The following KAZN variants were observed in gnomAD, a reference collection of about 807,000 sequenced individuals.
The protein encoded by KAZN is kazrin.
KAZN carries 40 observed loss-of-function variants against 87.4 expected under a neutral mutation model. That is an observed-to-expected ratio of 0.46 (90% CI 0.36 to 0.60). The LOEUF is 0.60. KAZN is among the 20% of genes least tolerant of loss of function. The pLI is 0.00. For synonymous variants in KAZN, 466 were observed against 458.3 expected (o/e 1.02, Z -0.22); for missense variants, 898 against 1,073.9 (o/e 0.84, Z 2.29).
In KAZN at chr1:14,820,853, AGATGG is replaced by A. The variant is rs1382810584; in HGVS notation, c.227-139830_227-139826del. 6.6e-6 allele frequency among the ~76,000 whole-genome samples: 1 copy of A among 152,186 alleles called. No homozygotes were observed. The highest frequency in any genetic ancestry group is 1.5e-5 in the Non-Finnish European group (1 of 68,036). ...CTGATGCAGGGAAGGGATACGCCCA[AGATGG>A]CCAGGAGAGAAGAGCCGAGGGGCAG... On this transcript the variant is annotated intron_variant, in intron 1 of 14. Coordinates refer to ENST00000376030, the MANE Select transcript of KAZN (RefSeq NM_201628.3). The surrounding 1 kb of genome is among the most constrained non-coding windows in gnomAD (Gnocchi z 4.1).
At chr1:13,909,067 T>C (rs1487042657) in intron 1 of KAZN, among the ~76,000 whole-genome samples, 1 of 152,208 alleles carries the variant, frequency 6.6e-6, no homozygotes, top group Non-Finnish European at 1.5e-5. Context: ...AGGTGCTTTC[T>C]TATCCCTACA....
intron 1 of KAZN, among the ~76,000 whole-genome samples, chr1:14,936,384 G>A (rs1190361108): frequency 1.3e-5 from 2 of 152,176 alleles, no homozygotes; most frequent in African/African-American, 2.4e-5. Flanking sequence ...AGACAGACCT[G>A]TACCTGGGGC....
At chr1:14,988,399 C>T (rs1472379605) in intron 2 of KAZN, among the ~76,000 whole-genome samples, 1 of 152,240 alleles carries the variant, frequency 6.6e-6, no homozygotes, top group Non-Finnish European at 1.5e-5. Flanking sequence ...CTGGCTCAGC[C>T]TGAGCAGGAC....
intron 1 of KAZN, among the ~76,000 whole-genome samples, chr1:13,946,479 A>G (rs1641150824): frequency 6.6e-6 from 1 of 152,100 alleles, no homozygotes; most frequent in Non-Finnish European, 1.5e-5. Context: ...AAGTCTGCCG[A>G]CACCGTGATC....
chr1:14,130,985 A>C (rs183236275), intron 1 of KAZN, among the ~76,000 whole-genome samples: 29 of 152,338 alleles, frequency 1.9e-4, no homozygotes, highest in Non-Finnish European at 3.4e-4. Context: ...CTAAGAAAAA[A>C]GGTTTAATCG....
chr1:14,718,793 C>A (rs915998702), intron 1 of KAZN, among the ~76,000 whole-genome samples: 1 of 152,202 alleles, frequency 6.6e-6, no homozygotes, highest in Non-Finnish European at 1.5e-5. Context: ...TGAATCCGCA[C>A]CCTTTCCTTT....
At chr1:14,076,474 A>G (rs1351246790) in intron 1 of KAZN, among the ~76,000 whole-genome samples, 9 of 152,150 alleles carry the variant, frequency 5.9e-5, no homozygotes. Flanking sequence ...CACCCCTGCC[A>G]ACACCTTGAT....
At chr1:14,076,105 C>A (rs1643447628) in intron 1 of KAZN, among the ~76,000 whole-genome samples, 1 of 151,978 alleles carries the variant, frequency 6.6e-6, no homozygotes. Context: ...CATGGTGAAA[C>A]CCTGTCTCTA....
At chr1:14,732,228 A>G (rs773249028) in intron 1 of KAZN, among the ~76,000 whole-genome samples, 2 of 152,196 alleles carry the variant, frequency 1.3e-5, no homozygotes, top group Non-Finnish European at 2.9e-5. Flanking sequence ...TACCACCAAG[A>G]CCAGTGCAGA....
intron 2 of KAZN, among the ~76,000 whole-genome samples, chr1:14,470,686 T>C (rs1014161141): frequency 2.0e-5 from 3 of 152,204 alleles, no homozygotes; most frequent in African/African-American, 7.2e-5. Context: ...AAAAGGAAGG[T>C]AGAGGTGGAT....
intron 2 of KAZN, among the ~76,000 whole-genome samples, chr1:14,265,296 C>A (rs1310206311): frequency 6.6e-6 from 1 of 152,144 alleles, no homozygotes; most frequent in Non-Finnish European, 1.5e-5. Flanking sequence ...TACTTTGGAG[C>A]TCTGGGCATT....
intron 4 of KAZN, among the ~76,000 whole-genome samples, chr1:15,047,218 T>G (rs532526919): frequency 6.8e-4 from 103 of 152,332 alleles, no homozygotes; most frequent in Middle Eastern, 3.4e-3. Context: ...CCCAGTCTTG[T>G]TGGGGTGTCC....
intron 13 of KAZN, among the ~76,000 whole-genome samples, chr1:15,111,337 C>T (rs1239723947): frequency 2.6e-5 from 4 of 151,774 alleles, no homozygotes; most frequent in South Asian, 2.1e-4. Flanking sequence ...GGTACGATCT[C>T]GGCTCACTGC....
chr1:14,126,636 T>TA (rs70997115), intron 1 of KAZN, among the ~76,000 whole-genome samples: 84,615 of 150,590 alleles, frequency 0.56, 24,962 homozygotes, highest in East Asian at 0.75. Context: ...ATGATAATAA[T>TA]AAAAAAAAAT....
chr1:13,960,349 C>T (rs527948019), intron 1 of KAZN, among the ~76,000 whole-genome samples: 1 of 152,132 alleles, frequency 6.6e-6, no homozygotes, highest in Non-Finnish European at 1.5e-5. Flanking sequence ...GATTCTAACC[C>T]GGACAGCCCA....
At chr1:14,439,371 G>A (rs1666573502) in intron 2 of KAZN, among the ~76,000 whole-genome samples, 1 of 152,098 alleles carries the variant, frequency 6.6e-6, no homozygotes, top group Non-Finnish European at 1.5e-5. Context: ...ATTAGTGATT[G>A]TTGCTTTGAA....
At chr1:15,010,386 C>CTTT (rs34697316) in intron 2 of KAZN, among the ~76,000 whole-genome samples, 13 of 78,190 alleles carry the variant, frequency 1.7e-4, no homozygotes, top group Non-Finnish European at 1.7e-4. Flanking sequence ...GGTTGTCTTG[C>CTTT]TTTTTTTTTT....
intron 2 of KAZN, among the ~76,000 whole-genome samples, chr1:14,398,875 C>CA (rs57492360): frequency 0.051 from 7,811 of 152,180 alleles, 699 homozygotes; most frequent in African/African-American, 0.18. Flanking sequence ...TCCAGGCACT[C>CA]AGTGTTCTCA....
rs190465503 is a variant in KAZN at position 14,257,834 on chromosome 1, C to T, written c.249+77242C>T. On this transcript the variant is annotated intron_variant, in intron 2 of 16. Coordinates refer to the KAZN transcript ENST00000636203. ...GGGAGGGATAGCATTGGGAGATATA[C>T]CTAATGCTAGATGACACGTTAGTGG... is the stretch of plus-strand genomic sequence containing the variant. Among the ~76,000 whole-genome samples the T allele has an allele frequency of 4.9e-3, 712 of 144,582 alleles. 14 individuals carry two copies. The East Asian group carries it at 0.069, about 14-fold the overall frequency. 94.9% of individuals were successfully genotyped at this position (144,582 alleles called of 152,430 possible). A position where few individuals can be genotyped will look rare whatever the true frequency, so the allele number is the denominator to read the frequency against.
Sources: allele counts gnomAD v4.1 joint callset (sites outside exome capture counted in the v4.1 genomes callset), GRCh38; gene constraint gnomAD v4.1.1; non-coding constraint Gnocchi (gnomAD v3.1); transcripts MANE v1.5; gene names NCBI Gene and HGNC (gene_info 2026-07-23, HGNC 2026-07-21).